Variants in LTBP1 observed in about 807,000 individuals in gnomAD.
LTBP1 encodes latent-transforming growth factor beta-binding protein 1.
In LTBP1, 129 loss-of-function variants were observed where a neutral mutation model predicts 207.6. That is an observed-to-expected ratio of 0.62 (90% CI 0.54 to 0.72). The LOEUF (loss-of-function observed/expected upper bound fraction) is 0.72. Ranked by LOEUF, LTBP1 falls within the 30% of genes least tolerant of loss-of-function variation. The pLI is 0.00. For synonymous variants in LTBP1, 963 were observed against 833.7 expected, an observed-to-expected ratio of 1.16 and a Z score of -2.67; for missense variants, 2,281 against 2,217.2, an observed-to-expected ratio of 1.03 and a Z score of -0.58.
chr2:33,002,800 C>T (rs1306611685), intron 2 of LTBP1, among the ~76,000 whole-genome samples: 1 of 152,086 alleles, frequency 6.6e-6, no homozygotes, highest in East Asian at 1.9e-4. Context: ...GCCTCAGTCT[C>T]CCAAGTAGCT....
chr2:33,220,292 G>T (rs1007408840), intron 8 of LTBP1, among the ~76,000 whole-genome samples: 1 of 152,114 alleles, frequency 6.6e-6, no homozygotes, highest in Non-Finnish European at 1.5e-5. Flanking sequence ...GAAGGAAGCA[G>T]ACTTTCCTTG....
At chr2:33,007,161 T>C (rs1687023394) in intron 2 of LTBP1, among the ~76,000 whole-genome samples, 1 of 152,178 alleles carries the variant, frequency 6.6e-6, no homozygotes, top group South Asian at 2.1e-4. Context: ...GCCTTCTGGG[T>C]TCAAGTGATT....
intron 7 of LTBP1, among the ~76,000 whole-genome samples, chr2:33,204,923 C>A (rs2089714271): frequency 6.6e-6 from 1 of 152,200 alleles, no homozygotes; most frequent in South Asian, 2.1e-4. Context: ...CAATAGCTCT[C>A]TTTCCATTTT....
intron 3 of LTBP1, among the ~76,000 whole-genome samples, chr2:33,102,853 G>C (rs2079817685): frequency 6.6e-6 from 1 of 152,040 alleles, no homozygotes; most frequent in African/African-American, 2.4e-5. Flanking sequence ...TATGCTGTAT[G>C]CACTGTCTGT....
intron 3 of LTBP1, among the ~76,000 whole-genome samples, chr2:33,054,225 G>T (rs547793853): frequency 6.6e-6 from 1 of 152,318 alleles, no homozygotes; most frequent in South Asian, 2.1e-4. Flanking sequence ...TGACCGTTCG[G>T]TTTTTGTACT....
chr2:33,192,035 A>C (rs2087948711), intron 7 of LTBP1, among the ~76,000 whole-genome samples: 1 of 152,136 alleles, frequency 6.6e-6, no homozygotes, highest in East Asian at 1.9e-4. Flanking sequence ...AGGAAAATGG[A>C]TGATTGATGA....
rs370622569 is a variant in LTBP1, at chr2:33,293,261, C to T, written c.3214C>T (p.Pro1072Ser). ...CSCHKGYTRT[P>S]DHKHCRDIDE... ...ATGCCACAAAGGCTATACCCGGACTCCGGACCACAAGCACTGTAGAGGTAA... is the reference window on the plus strand; with the variant it reads ...ATGCCACAAAGGCTATACCCGGACTTCGGACCACAAGCACTGTAGAGGTAA... The change falls in exon 20 of 34, where the codon CCG (proline) becomes TCG (serine). Residue 1072 changes from proline to serine, a missense_variant. By Grantham distance (74) the Pro-to-Ser change is moderately conservative (BLOSUM62 -1). Around this residue, in one of 3 missense-constraint regions of LTBP1, gnomAD observed 1,671 missense variants for 1,634.8 expected, o/e 1.02. Transcript: ENST00000404816. The T allele has an allele frequency of 2.3e-4, 367 of 1,613,610 alleles. 1 individual carries two copies. Among genetic ancestry groups the T allele is most frequent in the Middle Eastern group, 6.6e-4 (4 of 6,060 alleles).
rs117507290 is a variant in LTBP1, at chr2:33,085,850, C to T, written c.864-24732C>T. 2.6e-3 allele frequency among the ~76,000 whole-genome samples: 390 copies of T among 152,230 alleles called. 13 individuals are homozygous for T. In the East Asian group the frequency reaches 0.065, roughly 25 times the overall value. ...GATGTGGTTTGGCATGTTCTGGCCA[C>T]TGGGTGTGGTGGGTTCTGGGAGGTG... is the stretch of plus-strand genomic sequence containing the variant. On this transcript the variant is annotated intron_variant, in intron 3 of 33. Transcript: ENST00000404816.
chr2:33,281,238 A>T (rs945914302), intron 19 of LTBP1, among the ~76,000 whole-genome samples: 14 of 152,140 alleles, frequency 9.2e-5, no homozygotes, highest in Non-Finnish European at 1.8e-4. Context: ...AAACTCACAG[A>T]TTTGAGACAA....
In LTBP1 at chr2:33,257,361, C is replaced by T; in HGVS notation, c.2245C>T (p.His749Tyr). 6.2e-7 allele frequency: 1 copy of T among 1,614,170 alleles called. No homozygotes were observed. The highest frequency in any genetic ancestry group is 2.2e-5 in the East Asian group (1 of 44,878). ...TCATAGACGCAGGCCAATCCATCAC[C>T]ATGTAGGTAAAGGACCTGTATTTGT... ...GVHRRRPIHHHVGKGPVFVKP... is the reference protein window; with the variant it reads ...GVHRRRPIHHYVGKGPVFVKP... Residue 749 changes from histidine (H) to tyrosine (Y), a missense_variant, in exon 12 of 34, where the codon CAT becomes TAT. This residue lies in a region of LTBP1 where 1,671 missense variants were observed against 1,634.8 expected (regional missense o/e 1.02). Transcript: ENST00000404816.
At chr2:33,077,924 C>T (rs908285594) in intron 3 of LTBP1, among the ~76,000 whole-genome samples, 4 of 152,084 alleles carry the variant, frequency 2.6e-5, no homozygotes, top group African/African-American at 9.7e-5. Flanking sequence ...GGGTATCAGT[C>T]CACTGAAAGC....
chr2:33,360,601 A>G lies in LTBP1; in HGVS notation c.4005A>G (p.Leu1335=), dbSNP rs1472475374. The change falls in exon 27 of 34, where the codon TTA becomes TTG. Residue 1335 remains leucine (L), a synonymous_variant. Transcript: ENST00000404816. ...TACTTTCTCTACTCCATTTAGATTTAGATGTAGATGTAGATCAACCCAAAG... is the reference window on the plus strand; with the variant it reads ...TACTTTCTCTACTCCATTTAGATTTGGATGTAGATGTAGATCAACCCAAAG... ...GQCRSRTSTD[L]DVDVDQPKEE... is the part of the protein sequence containing the mutation. 2 of 1,607,840 alleles carry G rather than the reference A, an allele frequency of 1.2e-6. No homozygotes were observed. Among genetic ancestry groups the G allele is most frequent in the South Asian group, 2.2e-5 (2 of 90,944 alleles).
chr2:33,341,725 A>ATATATATATATATATATATATAT lies in LTBP1; in HGVS notation c.3731-1113_3731-1112insTATATATATATATATATATATAT, dbSNP rs1330972442. On this transcript the variant is annotated intron_variant, in intron 24 of 33. Transcript: ENST00000404816. ...GACTCCGTCTCACTCAAAAAAAAAA[A>ATATATATATATATATATATATAT]AAAAATATATATATATATATGTATA... Among the ~76,000 whole-genome samples the ATATATATATATATATATATATAT allele has an allele frequency of 3.2e-5, 3 of 93,192 alleles. No individual in the cohort carries two copies. In the East Asian group the frequency reaches 9.7e-4, roughly 30 times the overall value. 61.1% of individuals were successfully genotyped at this position (93,192 alleles called of 152,430 possible). A position where few individuals can be genotyped will look rare whatever the true frequency, so the allele number is the denominator to read the frequency against.
chr2:33,304,367 C>T (rs1573731426), intron 22 of LTBP1, among the ~76,000 whole-genome samples: 1 of 152,234 alleles, frequency 6.6e-6, no homozygotes, highest in Non-Finnish European at 1.5e-5. Context: ...TGACTGTTCA[C>T]ACGCCTCTGA....
At chr2:33,348,977 A>G (rs1370170807) in intron 26 of LTBP1, among the ~76,000 whole-genome samples, 2 of 152,152 alleles carry the variant, frequency 1.3e-5, no homozygotes, top group African/African-American at 2.4e-5. Flanking sequence ...GACAGTCTTC[A>G]TTTTTAAAAA....
intron 7 of LTBP1, among the ~76,000 whole-genome samples, chr2:33,201,641 A>G (rs1034987359): frequency 2.7e-4 from 30 of 112,686 alleles, no homozygotes; most frequent in Admixed American, 5.2e-4. Flanking sequence ...TAATAAAAAA[A>G]AAGAAGAAGA....
chr2:33,026,124 A>G (rs1204773039), intron 3 of LTBP1, among the ~76,000 whole-genome samples: 1 of 152,140 alleles, frequency 6.6e-6, no homozygotes, highest in Non-Finnish European at 1.5e-5. Flanking sequence ...AGCTTGTTGC[A>G]GTACTGATAG....
chr2:33,318,712 C>T (rs776382963), intron 24 of LTBP1, among the ~76,000 whole-genome samples: 24 of 152,152 alleles, frequency 1.6e-4, no homozygotes, highest in Admixed American at 5.9e-4. Flanking sequence ...CTTCCTTTCA[C>T]GCTATAGCCA....
Position 33,397,117 on chromosome 2 carries a change from G to GC in LTBP1, c.4835-13dup. The GC allele has an allele frequency of 6.2e-7, 1 of 1,611,806 alleles. No individual in the cohort carries two copies. Among genetic ancestry groups the GC allele is most frequent in the Admixed American group, 1.7e-5 (1 of 59,876 alleles). ...GTTGAGAAGCTCTAACTTAGCTTCTGCCCTTTCCTTTCCAGGTTTTCTAAA... is the reference window on the plus strand; with the variant it reads ...GTTGAGAAGCTCTAACTTAGCTTCTGCCCCTTTCCTTTCCAGGTTTTCTAAA... On this transcript the variant is annotated splice_polypyrimidine_tract_variant and intron_variant, in intron 32 of 33. Transcript: ENST00000404816.
Sources: allele counts gnomAD v4.1 joint callset (sites outside exome capture counted in the v4.1 genomes callset), GRCh38; gene constraint gnomAD v4.1.1; regional missense constraint gnomAD v4.1.1; transcripts MANE v1.5; gene names NCBI Gene and HGNC (gene_info 2026-07-23, HGNC 2026-07-21).